The following DMXL2 variants were observed in gnomAD, a reference collection of about 807,000 sequenced individuals.
The protein encoded by DMXL2 is dmX-like protein 2.
DMXL2 carries 103 observed loss-of-function variants against 331.1 expected under a neutral mutation model. That is an observed-to-expected ratio of 0.31 (90% CI 0.27 to 0.37). The LOEUF (loss-of-function observed/expected upper bound fraction) is 0.37, where lower values mean the gene tolerates loss of function less well. Among genes scored for constraint, DMXL2 ranks in the 10% least tolerant of loss-of-function variants. The pLI is 1.00. For synonymous variants in DMXL2, 1,281 were observed against 1,252.1 expected, an observed-to-expected ratio of 1.02 and a Z score of -0.49; for missense variants, 3,171 against 3,642.9, an observed-to-expected ratio of 0.87 and a Z score of 3.33.
At chr15:51,483,464 C>T (rs962650323) in intron 23 of DMXL2, among the ~76,000 whole-genome samples, 5 of 152,202 alleles carry the variant, frequency 3.3e-5, no homozygotes, top group African/African-American at 9.7e-5. Flanking sequence ...CCCCTACCAT[C>T]ACACTTTTGG....
At chr15:51,512,613 C>T (rs1054608545) in intron 15 of DMXL2, among the ~76,000 whole-genome samples, 3 of 152,036 alleles carry the variant, frequency 2.0e-5, no homozygotes, top group African/African-American at 7.2e-5. Flanking sequence ...AGTTCAAGAC[C>T]AACCTGGCCA....
At chr15:51,618,792 C>T (rs1268124276) in intron 1 of DMXL2, among the ~76,000 whole-genome samples, 2 of 152,118 alleles carry the variant, frequency 1.3e-5, no homozygotes, top group African/African-American at 2.4e-5. Flanking sequence ...TCCATAAAAC[C>T]TCTTCTTGTT....
intron 37 of DMXL2, among the ~76,000 whole-genome samples, chr15:51,456,782 T>C (rs1451691795): frequency 6.6e-6 from 1 of 152,230 alleles, no homozygotes; most frequent in Non-Finnish European, 1.5e-5. Flanking sequence ...TTTACCATTT[T>C]GTATCTGTTT....
Position 51,553,479 on chromosome 15 carries a change from A to T in DMXL2, c.568-6071T>A, listed in dbSNP as rs556085971. ...TTTTCTTTGCCCCGTTATATGATAA[A>T]AAAAAATCAAACAATATATATGTTA... On this transcript the variant is annotated intron_variant, in intron 6 of 43. Transcript: ENST00000560891. 3.3e-5 allele frequency among the ~76,000 whole-genome samples: 5 copies of T among 152,310 alleles called. No homozygotes were observed. In the East Asian group the frequency reaches 9.6e-4, roughly 29 times the overall value.
intron 3 of DMXL2, 152 bp from the exon 4 acceptor site, chr15:51,565,318 G>T: frequency 1.9e-6 from 1 of 525,316 alleles, no homozygotes. Context: ...TTCATATACT[G>T]TTTTTAACGT....
intron 15 of DMXL2, among the ~76,000 whole-genome samples, chr15:51,507,826 CTT>C (rs1474147632): frequency 6.1e-5 from 9 of 147,500 alleles, no homozygotes; most frequent in Admixed American, 1.3e-4. Flanking sequence ...AAAAAAAAAA[CTT>C]AAGTTGTGGG....
At chr15:51,619,596 C>T (rs2054503510) in intron 1 of DMXL2, among the ~76,000 whole-genome samples, 1 of 152,216 alleles carries the variant, frequency 6.6e-6, no homozygotes, top group Non-Finnish European at 1.5e-5. Context: ...AAATATATAA[C>T]ACACATTTCT....
intron 1 of DMXL2, among the ~76,000 whole-genome samples, chr15:51,614,064 T>G (rs1477593210): frequency 1.3e-5 from 2 of 152,096 alleles, no homozygotes; most frequent in African/African-American, 4.8e-5. Flanking sequence ...AGAGGTAATA[T>G]AAGGTTAAAT....
At chr15:51,592,426 C>A (rs1338993965) in intron 1 of DMXL2, among the ~76,000 whole-genome samples, 1 of 152,048 alleles carries the variant, frequency 6.6e-6, no homozygotes, top group East Asian at 1.9e-4. Context: ...GTGAAAAGAC[C>A]AAATCTACGT....
intron 13 of DMXL2, among the ~76,000 whole-genome samples, chr15:51,525,308 G>A (rs988138638): frequency 6.6e-6 from 1 of 151,954 alleles, no homozygotes; most frequent in South Asian, 2.1e-4. Flanking sequence ...GGTGAGACTC[G>A]GCACATTCCC....
chr15:51,487,934 G>C lies in DMXL2; in HGVS notation c.5217+20C>G. Reference sequence around the variant, plus strand: ...TTCAATCTTTTACAAGTATTATATAGTGTGTTTTCTTATTTATACCTCTAT... The same window carrying C: ...TTCAATCTTTTACAAGTATTATATACTGTGTTTTCTTATTTATACCTCTAT... On this transcript the variant is annotated intron_variant, in intron 22 of 43. Transcript: ENST00000560891. 6.3e-7 allele frequency: 1 copy of C among 1,576,242 alleles called. No individual in the cohort carries two copies. Among genetic ancestry groups the C allele is most frequent in the African/African-American group, 1.4e-5 (1 of 72,856 alleles).
At chr15:51,541,280 C>T (rs570544727) in intron 9 of DMXL2, among the ~76,000 whole-genome samples, 139 of 151,882 alleles carry the variant, frequency 9.2e-4, no homozygotes, top group African/African-American at 3.1e-3. Flanking sequence ...TCAATAGCCA[C>T]GTTACAAAAG....
At chr15:51,582,521 G>A (rs1387015927) in intron 1 of DMXL2, among the ~76,000 whole-genome samples, 1 of 152,160 alleles carries the variant, frequency 6.6e-6, no homozygotes, top group African/African-American at 2.4e-5. Flanking sequence ...AGAGGCCAGT[G>A]TTGACATATG....
At chr15:51,491,543 T>C in intron 20 of DMXL2, 35 bp downstream of exon 20, 1 of 1,560,356 alleles carries the variant, frequency 6.4e-7, no homozygotes, top group Non-Finnish European at 8.6e-7. Flanking sequence ...AAAGGTTTTT[T>C]TAATATAACT....
intron 1 of DMXL2, among the ~76,000 whole-genome samples, chr15:51,595,607 G>T (rs2052740025): frequency 6.6e-6 from 1 of 152,186 alleles, no homozygotes; most frequent in Non-Finnish European, 1.5e-5. Flanking sequence ...AGCCTGCATT[G>T]CCAAGTCAAT....
chr15:51,598,879 T>C (rs1458205453), intron 1 of DMXL2, among the ~76,000 whole-genome samples: 2 of 152,212 alleles, frequency 1.3e-5, no homozygotes, highest in African/African-American at 4.8e-5. Context: ...TGGGAATATA[T>C]TTTGAGATTA....
At chr15:51,478,481 T>A in intron 25 of DMXL2, 134 bp from the exon 26 acceptor site, 1 of 695,820 alleles carries the variant, frequency 1.4e-6, no homozygotes, top group Admixed American at 2.8e-5. Flanking sequence ...GACTACTAAC[T>A]CTGCTTTAAA....
intron 6 of DMXL2, among the ~76,000 whole-genome samples, chr15:51,559,237 T>C (rs994677159): frequency 4.6e-5 from 7 of 152,154 alleles, no homozygotes; most frequent in African/African-American, 1.4e-4. Context: ...TTGCAAAACA[T>C]GTAACTGACA....
At chr15:51,609,930 TA>T (rs35412082) in intron 1 of DMXL2, among the ~76,000 whole-genome samples, 1,931 of 100,064 alleles carry the variant, frequency 0.019, 28 homozygotes, top group African/African-American at 0.023. Context: ...AAGTCAGTCT[TA>T]AAAAAAAAAA....
Sources: allele counts gnomAD v4.1 joint callset (sites outside exome capture counted in the v4.1 genomes callset), GRCh38; gene constraint gnomAD v4.1.1; transcripts MANE v1.5; gene names NCBI Gene and HGNC (gene_info 2026-07-23, HGNC 2026-07-21).